Variants in QPRT observed in about 807,000 individuals in gnomAD.
The protein encoded by QPRT is quinolinate phosphoribosyltransferase, also known as nicotinate-nucleotide pyrophosphorylase [carboxylating].
A neutral mutation model predicts 19.8 loss-of-function variants in QPRT; 17 were observed. The observed-to-expected ratio is 0.86, with a 90% CI of 0.59 to 1.29. The LOEUF is 1.29. QPRT is among the 50% of genes most tolerant of loss of function. The probability of loss-of-function intolerance (pLI) is 0.00; values close to 1 mark genes in which losing one functional copy is unlikely to be tolerated. For missense variants in QPRT, 336 were observed against 405.1 expected (o/e 0.83, Z 1.46); for synonymous variants, 178 against 191.0 (o/e 0.93, Z 0.56).
At chr16:29,694,160 C>A (rs1967439292) in intron 1 of QPRT, among the ~76,000 whole-genome samples, 2 of 151,544 alleles carry the variant, frequency 1.3e-5, no homozygotes, top group Non-Finnish European at 2.9e-5. Context: ...ACTCTGTCAC[C>A]CCGGCTGGAG....
intron 1 of QPRT, among the ~76,000 whole-genome samples, chr16:29,689,404 A>G (rs906728650): frequency 6.6e-6 from 1 of 152,112 alleles, no homozygotes; most frequent in Non-Finnish European, 1.5e-5. Context: ...CTTAACTTTT[A>G]TCTTAAGTTC....
At chr16:29,691,091 A>G (rs977783324) in intron 1 of QPRT, among the ~76,000 whole-genome samples, 4 of 151,190 alleles carry the variant, frequency 2.6e-5, no homozygotes, top group African/African-American at 9.7e-5. Flanking sequence ...CTGGCCAGGC[A>G]CGGTGGCTCA....
Position 29,683,368 on chromosome 16 carries a change from T to C in QPRT, c.13+4158T>C, listed in dbSNP as rs184972373. The stretch of plus-strand genomic sequence containing the variant: ...TGAGAGCATTGGTTCTTTTTTTTTT[T>C]TCCCTGAGGCAGGGTCTCACCCTGT... On this transcript the variant is annotated intron_variant, in intron 1 of 3. Transcript: ENST00000395384. Among the ~76,000 whole-genome samples, 386 of 151,766 alleles carry C rather than the reference T, an allele frequency of 2.5e-3. 4 individuals carry two copies. The highest frequency in any genetic ancestry group is 0.018 in the Admixed American group (278 of 15,212).
chr16:29,682,170 C>T (rs1463349501), intron 1 of QPRT, among the ~76,000 whole-genome samples: 1 of 151,834 alleles, frequency 6.6e-6, no homozygotes, highest in Non-Finnish European at 1.5e-5. Context: ...GCTGGGACTG[C>T]AGGCGTGTGC....
chr16:29,682,075 G>A (rs1284876463), intron 1 of QPRT, among the ~76,000 whole-genome samples: 1 of 151,948 alleles, frequency 6.6e-6, no homozygotes, highest in East Asian at 1.9e-4. Context: ...AGGCTGGTTG[G>A]TGTGCAGTAA....
chr16:29,679,218 G>C lies in QPRT; in HGVS notation c.13+8G>C, dbSNP rs769044779. On this transcript the variant is annotated splice_region_variant and intron_variant, in intron 1 of 3. Coordinates refer to ENST00000395384, the MANE Select transcript of QPRT (RefSeq NM_014298.6). ...TCACCATGGACGCTGAAGGTAAAGG[G>C]ACACTCTCTCTGCCATGTCCCTGCA... is the stretch of plus-strand genomic sequence containing the variant. The C allele has an allele frequency of 6.2e-7, 1 of 1,606,388 alleles. No individual in the cohort carries two copies. The highest frequency in any genetic ancestry group is 1.1e-5 in the South Asian group (1 of 90,828).
intron 1 of QPRT, among the ~76,000 whole-genome samples, chr16:29,693,027 C>T (rs1967397666): frequency 6.6e-6 from 1 of 150,910 alleles, no homozygotes; most frequent in African/African-American, 2.4e-5. Context: ...CTCCATTGCA[C>T]TCCAGCCTGG....
At position 29,689,433 on chromosome 16, in the gene QPRT, T is replaced by G. The variant is rs566710746; in HGVS notation, c.14-5231T>G. On this transcript the variant is annotated intron_variant, in intron 1 of 3. Coordinates refer to ENST00000395384, the MANE Select transcript of QPRT (RefSeq NM_014298.6). ...TAAGTTCAGGGGTACATGTGCAGGT[T>G]TATTATATAGGTAAACTTGTGTCAT... 1.2e-4 allele frequency among the ~76,000 whole-genome samples: 19 copies of G among 152,216 alleles called. No homozygotes were observed. The East Asian group carries it at 2.1e-3, about 17-fold the overall frequency.
chr16:29,680,082 C>G (rs1966951339), intron 1 of QPRT, among the ~76,000 whole-genome samples: 1 of 151,740 alleles, frequency 6.6e-6, no homozygotes, highest in Non-Finnish European at 1.5e-5. Context: ...CTCAGCCTCC[C>G]GAGTAGCTGG....
intron 1 of QPRT, among the ~76,000 whole-genome samples, chr16:29,686,710 T>A (rs1967173087): frequency 6.6e-6 from 1 of 152,214 alleles, no homozygotes; most frequent in Non-Finnish European, 1.5e-5. Context: ...TTCACCATCT[T>A]GGCCAGGCTG....
intron 1 of QPRT, among the ~76,000 whole-genome samples, chr16:29,680,573 G>A (rs1416006393): frequency 1.3e-5 from 2 of 152,128 alleles, no homozygotes; most frequent in Admixed American, 6.6e-5. Flanking sequence ...CACCAGGGAT[G>A]GGGCTGTGTG....
chr16:29,679,122 CCA>C (rs1249433024), upstream of QPRT: 1 of 1,613,496 alleles, frequency 6.2e-7, no homozygotes, highest in African/African-American at 1.3e-5. Flanking sequence ...CTCCACAGTC[CCA>C]CCCCCAGCCT....
At position 29,698,496 on chromosome 16, in the gene QPRT, A is replaced by G. The variant is rs1446045073; in HGVS notation, c.*1085A>G. ...AATTCCAGACATTGTATGAAAAAGC[A>G]TTGCAAAACTTTCTGCTCTGTTAGC... On this transcript the variant is annotated 3_prime_UTR_variant, in exon 4 of 4. Transcript: ENST00000395384. 6.5e-6 allele frequency: 1 copy of G among 152,772 alleles called. No homozygotes were observed. The highest frequency in any genetic ancestry group is 1.5e-5 in the Non-Finnish European group (1 of 68,048). 9.5% of individuals were successfully genotyped at this position (152,772 alleles called of 1,614,324 possible).
intron 1 of QPRT, among the ~76,000 whole-genome samples, chr16:29,686,152 G>T (rs971313550): frequency 3.9e-5 from 6 of 152,268 alleles, no homozygotes; most frequent in African/African-American, 1.4e-4. Flanking sequence ...GAGCCACTGT[G>T]TCCGGCCAAT....
intron 1 of QPRT, among the ~76,000 whole-genome samples, chr16:29,684,332 G>A (rs1425624086): frequency 6.6e-6 from 1 of 151,984 alleles, no homozygotes; most frequent in Admixed American, 6.6e-5. Context: ...TTTTGCTCTT[G>A]TTGCCCAGGC....
rs1207524234 is a variant in QPRT, at chr16:29,698,441, C to A, written c.*1030C>A. The A allele has an allele frequency of 6.6e-6, 1 of 152,272 alleles. No homozygotes were observed. The highest frequency in any genetic ancestry group is 1.5e-5 in the Non-Finnish European group (1 of 68,012). 9.4% of individuals were successfully genotyped at this position (152,272 alleles called of 1,614,324 possible). On this transcript the variant is annotated 3_prime_UTR_variant, in exon 4 of 4. Coordinates refer to ENST00000395384, the MANE Select transcript of QPRT (RefSeq NM_014298.6). ...AAGTAACAATAATAATAATATCAAC[C>A]CCTGACCTAAACTACTTGTGTTATC...
rs1467887253 is a variant in QPRT, at chr16:29,695,081, T to G, written c.431T>G (p.Phe144Cys). The G allele has an allele frequency of 5.0e-6, 8 of 1,605,978 alleles. No homozygotes were observed. The highest frequency in any genetic ancestry group is 6.8e-6 in the Non-Finnish European group (8 of 1,178,300). ...GGCACGAGGAAGACCACGCCAGGCT[T>G]CCGGCTGGTGGAGAAGTATGGGCTC... The part of the protein sequence containing the change: ...VAGTRKTTPG[F>C]RLVEKYGLLV... Residue 144 changes from phenylalanine (F) to cysteine (C), a missense_variant, in exon 2 of 4, where the codon TTC (phenylalanine) becomes TGC (cysteine). Phe to Cys is a radical substitution (Grantham distance 205). Coordinates refer to ENST00000395384, the MANE Select transcript of QPRT (RefSeq NM_014298.6).
At chr16:29,690,968 G>A (rs1334521993) in intron 1 of QPRT, among the ~76,000 whole-genome samples, 2 of 151,896 alleles carry the variant, frequency 1.3e-5, no homozygotes, top group African/African-American at 4.8e-5. Flanking sequence ...GAATTACGGC[G>A]TGAGCCATGG....
intron 1 of QPRT, among the ~76,000 whole-genome samples, chr16:29,684,374 C>T (rs1263492243): frequency 1.3e-5 from 2 of 152,264 alleles, no homozygotes; most frequent in Non-Finnish European, 2.9e-5. Context: ...CGGCTTACTG[C>T]AACCTCTGCC....
Sources: gnomAD v4.1 joint callset for allele counts (sites outside exome capture counted in the v4.1 genomes callset) on GRCh38, gnomAD v4.1.1 for gene constraint, MANE v1.5 for transcripts, NCBI Gene and HGNC (gene_info 2026-07-23, HGNC 2026-07-21) for gene names.